The following GALNT14 variants were observed in gnomAD, a reference collection of about 807,000 sequenced individuals.
GALNT14 encodes polypeptide N-acetylgalactosaminyltransferase 14.
A neutral mutation model predicts 77.5 loss-of-function variants in GALNT14; 60 were observed. That is an observed-to-expected ratio of 0.77 (90% CI 0.63 to 0.96). The LOEUF is 0.96. GALNT14 is among the 40% of genes least tolerant of loss of function. GALNT14 has a pLI of 0.00. For synonymous variants in GALNT14, 280 were observed against 281.7 expected (o/e 0.99, Z 0.06); for missense variants, 710 against 731.0 (o/e 0.97, Z 0.33).
At chr2:31,049,146 C>A (rs777027790) in intron 1 of GALNT14, among the ~76,000 whole-genome samples, 12 of 152,204 alleles carry the variant, frequency 7.9e-5, no homozygotes, top group Non-Finnish European at 1.8e-4. Flanking sequence ...TGCATGCTTT[C>A]TTTGCAGTCC....
At chr2:31,041,820 A>G (rs1439412870) in intron 1 of GALNT14, among the ~76,000 whole-genome samples, 1 of 152,208 alleles carries the variant, frequency 6.6e-6, no homozygotes, top group African/African-American at 2.4e-5. Flanking sequence ...GAACTATAAT[A>G]GAGGCAGAGG....
intron 11 of GALNT14, among the ~76,000 whole-genome samples, chr2:30,925,977 G>T (rs376457056): frequency 6.6e-6 from 1 of 152,096 alleles, no homozygotes; most frequent in East Asian, 1.9e-4. Flanking sequence ...CACACCTCTC[G>T]GCACCCACCT....
intron 1 of GALNT14, among the ~76,000 whole-genome samples, chr2:31,074,593 C>T (rs1675639113): frequency 6.6e-6 from 1 of 152,114 alleles, no homozygotes; most frequent in South Asian, 2.1e-4. Context: ...AGTCTAGGCC[C>T]TGCTACACAC....
intron 1 of GALNT14, among the ~76,000 whole-genome samples, chr2:31,114,169 A>G (rs552972336): frequency 2.0e-5 from 3 of 152,098 alleles, no homozygotes; most frequent in Non-Finnish European, 4.4e-5. Context: ...GTCTTAACTG[A>G]CGAGCCACCT....
At chr2:31,005,568 T>C (rs1670621921) in intron 1 of GALNT14, among the ~76,000 whole-genome samples, 1 of 152,256 alleles carries the variant, frequency 6.6e-6, no homozygotes, top group African/African-American at 2.4e-5. Flanking sequence ...GTTACTATTA[T>C]TTCTTTTGGT....
intron 2 of GALNT14, 132 bp downstream of exon 2, chr2:30,992,706 T>C: frequency 9.6e-7 from 1 of 1,036,550 alleles, no homozygotes; most frequent in Non-Finnish European, 1.4e-6. Context: ...CGAATCCCTT[T>C]AGTGTTCAAC....
the GALNT14 span, among the ~76,000 whole-genome samples, chr2:30,902,107 C>T: frequency 6.6e-6 from 1 of 152,192 alleles, no homozygotes; most frequent in Non-Finnish European, 1.5e-5. Context: ...CCAGGGAAAG[C>T]TTGGCTACAC....
At chr2:31,061,484 A>C (rs1202586428) in intron 1 of GALNT14, among the ~76,000 whole-genome samples, 2 of 152,190 alleles carry the variant, frequency 1.3e-5, no homozygotes, top group Non-Finnish European at 2.9e-5. Context: ...TCCAACATGC[A>C]GTCTCAAAAA....
intron 2 of GALNT14, among the ~76,000 whole-genome samples, chr2:30,976,598 TGCATGTGCGTGTGC>T (rs1668640271): frequency 6.8e-6 from 1 of 146,990 alleles, no homozygotes. Context: ...CAGCTGTGTG[TGCATGTGCGTGTGC>T]GTGTGTGTAT....
chr2:30,969,469 C>T (rs1183771262), intron 2 of GALNT14, among the ~76,000 whole-genome samples: 1 of 152,108 alleles, frequency 6.6e-6, no homozygotes, highest in Non-Finnish European at 1.5e-5. Context: ...CTTTTGGGGA[C>T]AGGGGCCATT....
intron 1 of GALNT14, among the ~76,000 whole-genome samples, chr2:31,098,908 C>T (rs1677126894): frequency 6.6e-6 from 1 of 151,988 alleles, no homozygotes; most frequent in Non-Finnish European, 1.5e-5. Context: ...AGAGGATCAT[C>T]ATCAAGATCT....
intron 9 of GALNT14, among the ~76,000 whole-genome samples, chr2:30,937,034 C>T (rs1482893533): frequency 6.6e-6 from 1 of 152,220 alleles, no homozygotes; most frequent in African/African-American, 2.4e-5. Flanking sequence ...GAACAAAGTG[C>T]TGGCTGCATT....
intron 1 of GALNT14, among the ~76,000 whole-genome samples, chr2:31,018,401 T>G (rs1671513244): frequency 6.6e-6 from 1 of 152,120 alleles, no homozygotes; most frequent in South Asian, 2.1e-4. Context: ...AACTTAACAA[T>G]CATAGCGGAA....
chr2:31,029,836 ATTTGTATAT>A (rs1672303263), intron 1 of GALNT14, among the ~76,000 whole-genome samples: 1 of 152,180 alleles, frequency 6.6e-6, no homozygotes, highest in Non-Finnish European at 1.5e-5. Context: ...TTTTTTGTAT[ATTTGTATAT>A]TTTGTATATT....
chr2:31,007,519 G>T (rs72855271), intron 1 of GALNT14, among the ~76,000 whole-genome samples: 3,991 of 152,260 alleles, frequency 0.026, 193 homozygotes, highest in African/African-American at 0.092. Flanking sequence ...TGAACTGTTG[G>T]AAGGATGTAA....
At chr2:30,922,898 C>T (rs950930658) in intron 13 of GALNT14, among the ~76,000 whole-genome samples, 1 of 152,030 alleles carries the variant, frequency 6.6e-6, no homozygotes, top group African/African-American at 2.4e-5. Flanking sequence ...ATTTGTGAAT[C>T]AATAAACAGG....
At chr2:31,028,061 C>T (rs949221357) in intron 1 of GALNT14, among the ~76,000 whole-genome samples, 8 of 152,142 alleles carry the variant, frequency 5.3e-5, no homozygotes, top group African/African-American at 1.9e-4. Context: ...AAACCTTAAC[C>T]CCATCTTTAA....
At chr2:30,997,709 A>T (rs1348507057) in intron 1 of GALNT14, among the ~76,000 whole-genome samples, 1 of 152,240 alleles carries the variant, frequency 6.6e-6, no homozygotes, top group African/African-American at 2.4e-5. Flanking sequence ...TTAATTAACA[A>T]ATAATATCTG....
intron 1 of GALNT14, among the ~76,000 whole-genome samples, chr2:31,014,649 G>A (rs753628788): frequency 5.7e-4 from 87 of 152,160 alleles, no homozygotes; most frequent in Admixed American, 3.1e-3. Context: ...CAGCAAGTCA[G>A]ATTCTAGACC....
Sources: gnomAD v4.1 joint callset for allele counts (sites outside exome capture counted in the v4.1 genomes callset) on GRCh38, gnomAD v4.1.1 for gene constraint, MANE v1.5 for transcripts, NCBI Gene and HGNC (gene_info 2026-07-23, HGNC 2026-07-21) for gene names.